Variants in FAM13A observed in about 807,000 individuals in gnomAD.
The protein encoded by FAM13A is family with sequence similarity 13 member A.
A neutral mutation model predicts 129.6 loss-of-function variants in FAM13A; 76 were observed. The ratio of observed to expected loss-of-function variants is 0.59; its 90% CI spans 0.49 to 0.71. The LOEUF is 0.71. Ranked by LOEUF, FAM13A falls within the 30% of genes least tolerant of loss-of-function variation. The pLI is 0.00. For missense variants in FAM13A, 1,108 were observed against 1,249.3 expected (o/e 0.89, Z 1.70); for synonymous variants, 443 against 449.9 (o/e 0.98, Z 0.20).
rs34184242 is a variant in FAM13A, at chr4:88,837,718, CAAAAAAA to C, written c.1007+13295_1007+13301del. 6.4e-3 allele frequency among the ~76,000 whole-genome samples: 457 copies of C among 71,554 alleles called. 1 individual carries two copies. Among genetic ancestry groups the C allele is most frequent in the South Asian group, 0.015 (28 of 1,814 alleles). The allele number at this position is 71,554 out of a possible 152,430, so 46.9% of individuals were successfully genotyped here. A position where few individuals can be genotyped will look rare whatever the true frequency, so the allele number is the denominator to read the frequency against. On this transcript the variant is annotated intron_variant, in intron 7 of 23. Transcript: ENST00000264344. ...GGGCAACAAGAGGGAAACTCCGTCT[CAAAAAAA>C]AAAAAAAAAAAAAAGCAAAACAAAA...
At chr4:88,894,490 C>T (rs1158999411) in intron 6 of FAM13A, among the ~76,000 whole-genome samples, 1 of 151,978 alleles carries the variant, frequency 6.6e-6, no homozygotes, top group African/African-American at 2.4e-5. Context: ...ATGCAGTGTT[C>T]CTATAATAAC....
chr4:88,934,813 G>T (rs1490527276), intron 5 of FAM13A, among the ~76,000 whole-genome samples: 1 of 152,194 alleles, frequency 6.6e-6, no homozygotes, highest in Admixed American at 6.5e-5. Context: ...AAGACTATTT[G>T]CCAAATTCAA....
At chr4:88,793,951 T>A (rs1725679723) in intron 8 of FAM13A, among the ~76,000 whole-genome samples, 1 of 151,968 alleles carries the variant, frequency 6.6e-6, no homozygotes, top group African/African-American at 2.4e-5. Context: ...AATAGAGATT[T>A]CTTCCATAAC....
rs533591901 is a variant in FAM13A at position 88,756,630 on chromosome 4, T to G, written c.1726+2124A>C. On this transcript the variant is annotated intron_variant, in intron 14 of 23. Coordinates refer to ENST00000264344, the MANE Select transcript of FAM13A (RefSeq NM_014883.4). Reference sequence around the variant, plus strand: ...TATGACTTTCGTTTACATATTTTGTTGCACTGGCTTCACATTCACAAATTC... The same window carrying G: ...TATGACTTTCGTTTACATATTTTGTGGCACTGGCTTCACATTCACAAATTC... Among the ~76,000 whole-genome samples, 5 of 152,326 alleles carry G rather than the reference T, an allele frequency of 3.3e-5. No homozygotes were observed. In the East Asian group the frequency reaches 7.7e-4, roughly 24 times the overall value.
At chr4:88,894,684 G>C (rs1745988018) in intron 6 of FAM13A, among the ~76,000 whole-genome samples, 1 of 152,222 alleles carries the variant, frequency 6.6e-6, no homozygotes, top group Admixed American at 6.5e-5. Flanking sequence ...ACCATGGCCG[G>C]CTAATTTTTG....
At chr4:88,804,038 C>T (rs964637273) in intron 8 of FAM13A, among the ~76,000 whole-genome samples, 34 of 151,488 alleles carry the variant, frequency 2.2e-4, no homozygotes, top group Admixed American at 7.9e-4. Context: ...GGGTGGATCA[C>T]GAGGTCAGGA....
chr4:88,915,322 A>C (rs1749943570), intron 5 of FAM13A, among the ~76,000 whole-genome samples: 1 of 152,226 alleles, frequency 6.6e-6, no homozygotes, highest in Non-Finnish European at 1.5e-5. Context: ...CATTAATGAA[A>C]GGAATAAATT....
intron 4 of FAM13A, among the ~76,000 whole-genome samples, chr4:88,982,547 G>T (rs1328231344): frequency 6.6e-6 from 1 of 152,172 alleles, no homozygotes; most frequent in Non-Finnish European, 1.5e-5. Context: ...TGCATTAGTA[G>T]AATAAGGACT....
intron 4 of FAM13A, among the ~76,000 whole-genome samples, chr4:88,988,649 G>A (rs966850332): frequency 1.3e-5 from 2 of 151,760 alleles, no homozygotes; most frequent in African/African-American, 4.8e-5. Flanking sequence ...GAAAACAGGA[G>A]AAAAGCTTGA....
intron 7 of FAM13A, among the ~76,000 whole-genome samples, chr4:88,831,605 T>G (rs1733896165): frequency 1.3e-5 from 2 of 152,096 alleles, no homozygotes; most frequent in African/African-American, 2.4e-5. Context: ...AATAAATAAG[T>G]GAAAATATAT....
chr4:88,860,955 G>A (rs1455588263), intron 6 of FAM13A, among the ~76,000 whole-genome samples: 3 of 152,106 alleles, frequency 2.0e-5, no homozygotes, highest in African/African-American at 7.2e-5. Flanking sequence ...ATATATATAG[G>A]TGAACACTTT....
chr4:88,963,122 T>A (rs574590153), intron 4 of FAM13A, among the ~76,000 whole-genome samples: 1 of 152,218 alleles, frequency 6.6e-6, no homozygotes, highest in Non-Finnish European at 1.5e-5. Flanking sequence ...GAAACTAATG[T>A]TACTTAAAAA....
Position 88,787,894 on chromosome 4 carries a change from T to C in FAM13A, c.1130A>G (p.His377Arg). Residue 377 changes from histidine to arginine, a missense_variant, in exon 10 of 24, where the codon CAT becomes CGT. Physicochemically the swap from His to Arg is conservative, Grantham distance 29 (BLOSUM62 0). Transcript: ENST00000264344. ...ERTIRSAVEQ[H>R]LFDVNNSGGQ... ...TCCAGAGTTATTAACATCAAAAAGA[T>C]GTTGTTCTACAGCTGATCGGATGGT... 6.2e-7 allele frequency: 1 copy of C among 1,613,474 alleles called. No homozygotes were observed. The highest frequency in any genetic ancestry group is 8.5e-7 in the Non-Finnish European group (1 of 1,179,626).
intron 5 of FAM13A, among the ~76,000 whole-genome samples, chr4:88,919,154 A>G (rs1314740107): frequency 6.6e-6 from 1 of 152,266 alleles, no homozygotes; most frequent in African/African-American, 2.4e-5. Flanking sequence ...TAAAAAAACA[A>G]TAACTGGCAT....
intron 5 of FAM13A, among the ~76,000 whole-genome samples, chr4:88,923,035 C>A (rs1005632869): frequency 8.5e-5 from 13 of 152,082 alleles, no homozygotes; most frequent in East Asian, 1.9e-4. Context: ...CAATAACAGG[C>A]TCTGAAATTG....
At chr4:88,988,053 C>T (rs1341516264) in intron 4 of FAM13A, among the ~76,000 whole-genome samples, 1 of 152,034 alleles carries the variant, frequency 6.6e-6, no homozygotes, top group Non-Finnish European at 1.5e-5. Context: ...GTGCTTAACA[C>T]CTAGGTGTTG....
At chr4:88,746,383 C>T (rs1741339266) in intron 19 of FAM13A, among the ~76,000 whole-genome samples, 1 of 152,174 alleles carries the variant, frequency 6.6e-6, no homozygotes, top group African/African-American at 2.4e-5. Flanking sequence ...CAAATGCTTC[C>T]CGTTGTTATG....
intron 13 of FAM13A, among the ~76,000 whole-genome samples, chr4:88,766,724 T>C (rs1429271517): frequency 6.6e-6 from 1 of 152,240 alleles, no homozygotes; most frequent in Non-Finnish European, 1.5e-5. Context: ...TTAATATATG[T>C]TGTTGAATAA....
At chr4:88,971,692 A>G (rs1760104332) in intron 4 of FAM13A, among the ~76,000 whole-genome samples, 1 of 152,080 alleles carries the variant, frequency 6.6e-6, no homozygotes, top group Admixed American at 6.5e-5. Flanking sequence ...CTTTACTTTT[A>G]AGAGACAGAG....
Sources: allele counts gnomAD v4.1 joint callset (sites outside exome capture counted in the v4.1 genomes callset), GRCh38; gene constraint gnomAD v4.1.1; transcripts MANE v1.5; gene names NCBI Gene and HGNC (gene_info 2026-07-23, HGNC 2026-07-21).